CALN1: variants seen among roughly 807,000 people sequenced by gnomAD.
CALN1 encodes the protein calcium-binding protein 8.
A neutral mutation model predicts 30.6 loss-of-function variants in CALN1; 17 were observed. That is an observed-to-expected ratio of 0.56 (90% confidence interval 0.38 to 0.83). The LOEUF (loss-of-function observed/expected upper bound fraction) is 0.83. Ranked by LOEUF, CALN1 falls within the 40% of genes least tolerant of loss-of-function variation. The pLI is 0.00. For synonymous variants in CALN1, 156 were observed against 131.4 expected (o/e 1.19, Z -1.28); for missense variants, 291 against 354.9 (o/e 0.82, Z 1.45).
chr7:72,191,515 T>C (rs1790598966), intron 3 of CALN1, among the ~76,000 whole-genome samples: 2 of 127,552 alleles, frequency 1.6e-5, no homozygotes, highest in Admixed American at 1.0e-4. Flanking sequence ...AGCAGGAGAA[T>C]CGCGGGTACC....
intron 5 of CALN1, among the ~76,000 whole-genome samples, chr7:71,876,188 A>G (rs1274763484): frequency 6.6e-6 from 1 of 152,210 alleles, no homozygotes; most frequent in Non-Finnish European, 1.5e-5. Context: ...GTTGAGAGGT[A>G]GTAGAACCTT....
At chr7:71,985,182 G>C (rs996945741) in intron 5 of CALN1, among the ~76,000 whole-genome samples, 8 of 152,030 alleles carry the variant, frequency 5.3e-5, no homozygotes, top group African/African-American at 1.7e-4. Context: ...ATAAAGACGG[G>C]GAAATGTTCA....
chr7:72,049,557 G>T (rs1802696950), intron 4 of CALN1, among the ~76,000 whole-genome samples: 1 of 152,144 alleles, frequency 6.6e-6, no homozygotes, highest in Non-Finnish European at 1.5e-5. Context: ...GCCCAGTCTG[G>T]AGTGCAGTGG....
chr7:72,099,828 G>A (rs1806517511), intron 4 of CALN1, among the ~76,000 whole-genome samples: 1 of 152,272 alleles, frequency 6.6e-6, no homozygotes, highest in East Asian at 1.9e-4. Flanking sequence ...TTGATGACTT[G>A]GGTTTTTGTT....
intron 4 of CALN1, among the ~76,000 whole-genome samples, chr7:72,041,624 T>G (rs1156692124): frequency 6.6e-6 from 1 of 152,128 alleles, no homozygotes; most frequent in East Asian, 1.9e-4. Context: ...CCTCAGGTGA[T>G]CTGCCCACCT....
intron 5 of CALN1, among the ~76,000 whole-genome samples, chr7:71,966,248 T>C (rs542897793): frequency 6.6e-6 from 1 of 152,338 alleles, no homozygotes; most frequent in African/African-American, 2.4e-5. Context: ...AGTATAACTT[T>C]ACTTGCAAAA....
chr7:72,337,094 G>A (rs1232864220), intron 2 of CALN1: 3 of 985,602 alleles, frequency 3.0e-6, no homozygotes, highest in Admixed American at 6.1e-5. Context: ...GCCCATGTGC[G>A]CGGCTGCCTC....
At chr7:72,222,220 C>T (rs749443259) in intron 3 of CALN1, among the ~76,000 whole-genome samples, 4 of 139,826 alleles carry the variant, frequency 2.9e-5, no homozygotes, top group Admixed American at 7.3e-5. Flanking sequence ...AGCGAGACTC[C>T]GTCTCAAAAA....
intron 2 of CALN1, among the ~76,000 whole-genome samples, chr7:72,363,199 C>T (rs972909142): frequency 2.0e-5 from 3 of 152,166 alleles, no homozygotes; most frequent in Non-Finnish European, 4.4e-5. Context: ...TGATAGGCCC[C>T]AGTGTGTGTT....
intron 2 of CALN1, among the ~76,000 whole-genome samples, chr7:72,317,175 G>C (rs1340861363): frequency 8.0e-6 from 1 of 125,068 alleles, no homozygotes; most frequent in African/African-American, 3.1e-5. Context: ...GAGGGAGGGA[G>C]GGAAGGAGGC....
At chr7:72,376,143 T>C (rs1040540420) in intron 2 of CALN1, among the ~76,000 whole-genome samples, 2 of 152,272 alleles carry the variant, frequency 1.3e-5, no homozygotes, top group Non-Finnish European at 2.9e-5. Flanking sequence ...CATTCATCAG[T>C]TGATGGACAT....
intron 2 of CALN1, among the ~76,000 whole-genome samples, chr7:72,360,205 G>C (rs1414869295): frequency 6.6e-6 from 1 of 152,066 alleles, no homozygotes; most frequent in African/African-American, 2.4e-5. Context: ...TAAGCTTCCT[G>C]GATACAATAA....
At chr7:72,382,081 A>G (rs1451474069) in intron 2 of CALN1, among the ~76,000 whole-genome samples, 3 of 152,188 alleles carry the variant, frequency 2.0e-5, no homozygotes, top group Non-Finnish European at 4.4e-5. Flanking sequence ...AATCACTGCA[A>G]TGTACAAACA....
chr7:72,222,995 TG>T (rs1793417914), intron 3 of CALN1, among the ~76,000 whole-genome samples: 1 of 152,038 alleles, frequency 6.6e-6, no homozygotes, highest in South Asian at 2.1e-4. Context: ...CAATCCAGTC[TG>T]GGTGACAAAG....
intron 3 of CALN1, among the ~76,000 whole-genome samples, chr7:72,270,018 T>A (rs1037193768): frequency 4.6e-5 from 7 of 152,120 alleles, no homozygotes; most frequent in African/African-American, 1.4e-4. Flanking sequence ...AGATAGGGTA[T>A]CTCACCAAAG....
intron 2 of CALN1, among the ~76,000 whole-genome samples, chr7:72,302,912 A>AAAAAAAAAAAG (rs1799386438): frequency 6.7e-6 from 1 of 149,966 alleles, no homozygotes. Flanking sequence ...AAAAAAAAAA[A>AAAAAAAAAAAG]AAAAACGAAA....
At chr7:72,163,058 G>A (rs1376943177) in intron 3 of CALN1, among the ~76,000 whole-genome samples, 4 of 152,284 alleles carry the variant, frequency 2.6e-5, no homozygotes, top group Admixed American at 1.3e-4. Context: ...TTCAGCTGCC[G>A]CCCTCCATAG....
intron 4 of CALN1, among the ~76,000 whole-genome samples, chr7:72,093,506 C>A (rs1324203804): frequency 6.6e-6 from 1 of 152,156 alleles, no homozygotes; most frequent in Non-Finnish European, 1.5e-5. Flanking sequence ...GTATCTACTG[C>A]ATGCATTAGC....
At chr7:71,987,049 C>T (rs1798709600) in intron 5 of CALN1, among the ~76,000 whole-genome samples, 1 of 151,830 alleles carries the variant, frequency 6.6e-6, no homozygotes, top group Admixed American at 6.6e-5. Context: ...TCACTTGAAC[C>T]TGGGAGGCAG....
Sources: allele counts gnomAD v4.1 joint callset (sites outside exome capture counted in the v4.1 genomes callset), GRCh38; gene constraint gnomAD v4.1.1; transcripts MANE v1.5; gene names NCBI Gene and HGNC (gene_info 2026-07-23, HGNC 2026-07-21).